ROCK2: variants seen among roughly 807,000 people sequenced by gnomAD.
The protein encoded by ROCK2 is Rho associated coiled-coil containing protein kinase 2, also known as rho-associated protein kinase 2.
Under a neutral mutation model 195.1 loss-of-function variants are expected in ROCK2, and 61 were observed. That is an observed-to-expected ratio of 0.31 (90% CI 0.25 to 0.39). The LOEUF (loss-of-function observed/expected upper bound fraction) is 0.39, where lower values mean the gene tolerates loss of function less well. ROCK2 is among the 10% of genes least tolerant of loss of function. The pLI, the probability that ROCK2 is intolerant of heterozygous loss-of-function variation, is 1.00. For missense variants in ROCK2, 1,109 were observed against 1,637.4 expected (o/e 0.68, Z 5.57); for synonymous variants, 504 against 545.5 (o/e 0.92, Z 1.06).
Position 11,198,568 on chromosome 2 carries a change from C to T in ROCK2, c.3022G>A (p.Asp1008Asn). 6.2e-7 allele frequency: 1 copy of T among 1,613,216 alleles called. No homozygotes were observed. The highest frequency in any genetic ancestry group is 1.1e-5 in the South Asian group (1 of 91,008). Residue 1008 changes from aspartate (D) to asparagine (N), a missense_variant, in exon 25 of 33, where the codon GAT becomes AAT. Asp to Asn is a conservative substitution (Grantham distance 23). Coordinates refer to ENST00000315872, the MANE Select transcript of ROCK2 (RefSeq NM_004850.5). ...ATAGCTGCTGCGCTTATTTCTTCAT[C>T]TTTCAATCTTGACAGTTCTGAAACA... ...DVQEQLSRLK[D>N]EEISAAAIKA... is the part of the protein sequence containing the mutation.
chr2:11,321,519 A>T (rs555829993), intron 1 of ROCK2, among the ~76,000 whole-genome samples: 1 of 151,778 alleles, frequency 6.6e-6, no homozygotes, highest in East Asian at 2.0e-4. Flanking sequence ...GAGAATGCCA[A>T]ATAAATTATT....
intron 1 of ROCK2, among the ~76,000 whole-genome samples, chr2:11,341,692 A>G (rs78568767): frequency 6.6e-6 from 1 of 152,222 alleles, no homozygotes; most frequent in African/African-American, 2.4e-5. Flanking sequence ...GTTAAAGACA[A>G]AATATGTATT....
At chr2:11,284,902 C>T (rs1209215465) in intron 3 of ROCK2, among the ~76,000 whole-genome samples, 7 of 152,136 alleles carry the variant, frequency 4.6e-5, no homozygotes, top group Non-Finnish European at 1.0e-4. Context: ...CCTCATTATA[C>T]TTCAGGTTTA....
chr2:11,330,057 T>C (rs1333959015), intron 1 of ROCK2, among the ~76,000 whole-genome samples: 1 of 152,208 alleles, frequency 6.6e-6, no homozygotes, highest in Admixed American at 6.5e-5. Context: ...AATTAGGAAT[T>C]CTCATCACCA....
At chr2:11,254,768 C>T (rs1367814916) in intron 3 of ROCK2, among the ~76,000 whole-genome samples, 2 of 116,262 alleles carry the variant, frequency 1.7e-5, no homozygotes, top group South Asian at 3.5e-4. Context: ...GTAGAGAAAC[C>T]TGGCTAATTT....
intron 32 of ROCK2, among the ~76,000 whole-genome samples, chr2:11,184,301 T>G (rs1663111335): frequency 6.6e-6 from 1 of 152,248 alleles, no homozygotes; most frequent in Admixed American, 6.5e-5. Context: ...AATCTCATGC[T>G]ATGTTCACAA....
chr2:11,276,888 A>AC (rs1245367730), intron 3 of ROCK2, among the ~76,000 whole-genome samples: 1 of 151,906 alleles, frequency 6.6e-6, no homozygotes, highest in East Asian at 1.9e-4. Context: ...GGTATTTTAC[A>AC]CCCCCCGTGA....
intron 10 of ROCK2, 133 bp from the exon 11 acceptor site, chr2:11,218,599 G>A (rs148796265): frequency 5.0e-6 from 3 of 604,140 alleles, no homozygotes; most frequent in South Asian, 2.6e-5. Context: ...AAGAAAAAAT[G>A]TTTAGCATCA....
chr2:11,260,557 G>A (rs544639893), intron 3 of ROCK2, among the ~76,000 whole-genome samples: 18 of 150,822 alleles, frequency 1.2e-4, no homozygotes, highest in African/African-American at 4.4e-4. Context: ...AATTTTGAAT[G>A]CTTCCTAACT....
At chr2:11,213,708 C>A (rs1279027126) in intron 17 of ROCK2, among the ~76,000 whole-genome samples, 1 of 151,864 alleles carries the variant, frequency 6.6e-6, no homozygotes, top group Non-Finnish European at 1.5e-5. Flanking sequence ...TGTGCCTTTG[C>A]CCTACGGACC....
intron 3 of ROCK2, among the ~76,000 whole-genome samples, chr2:11,261,742 A>T (rs1205802804): frequency 6.6e-6 from 1 of 152,156 alleles, no homozygotes; most frequent in African/African-American, 2.4e-5. Context: ...GCTTCAACCC[A>T]GGAACCCAGG....
chr2:11,197,160 T>G lies in ROCK2; in HGVS notation c.3448+20A>C. ...GATTTATATTTAAGATAAATATTAG[T>G]GCTGAAAACAAATCCATACCTGGAA... is the stretch of plus-strand genomic sequence containing the variant. On this transcript the variant is annotated intron_variant, in intron 27 of 32. Transcript: ENST00000315872. The surrounding 1 kb of genome is among the most constrained non-coding windows in gnomAD (Gnocchi z 4.9). 6.4e-7 allele frequency: 1 copy of G among 1,559,096 alleles called. No individual in the cohort carries two copies. Among genetic ancestry groups the G allele is most frequent in the Non-Finnish European group, 8.7e-7 (1 of 1,150,274 alleles).
At chr2:11,244,489 G>A (rs1382854705) in intron 4 of ROCK2, among the ~76,000 whole-genome samples, 1 of 152,136 alleles carries the variant, frequency 6.6e-6, no homozygotes, top group Non-Finnish European at 1.5e-5. Flanking sequence ...TAGGCTGGGT[G>A]CAGTGGCTCA....
intron 3 of ROCK2, among the ~76,000 whole-genome samples, chr2:11,286,129 T>C (rs975166005): frequency 4.7e-5 from 7 of 149,994 alleles, no homozygotes; most frequent in African/African-American, 1.7e-4. Context: ...TTCTTATAAT[T>C]CCAATTGGTA....
chr2:11,243,461 TG>T (rs1184160052), intron 4 of ROCK2, among the ~76,000 whole-genome samples: 1 of 152,168 alleles, frequency 6.6e-6, no homozygotes, highest in East Asian at 1.9e-4. Context: ...GTGATAAATA[TG>T]GTAAATCAAA....
At chr2:11,200,872 AT>A (rs1319414377) in intron 23 of ROCK2, 84 bp downstream of exon 23, 2 of 1,171,088 alleles carry the variant, frequency 1.7e-6, no homozygotes, top group African/African-American at 3.1e-5. Context: ...TTTCATTTAG[AT>A]CTGTGATACT....
intron 1 of ROCK2, among the ~76,000 whole-genome samples, chr2:11,290,076 T>C (rs1667313586): frequency 6.6e-6 from 1 of 152,174 alleles, no homozygotes; most frequent in Non-Finnish European, 1.5e-5. Flanking sequence ...ATTTTTACAA[T>C]CAAAATTTAT....
At chr2:11,232,987 G>A (rs1665072960) in intron 5 of ROCK2, among the ~76,000 whole-genome samples, 2 of 152,186 alleles carry the variant, frequency 1.3e-5, no homozygotes, top group African/African-American at 4.8e-5. Context: ...GCTGAGGCAG[G>A]AGGATCACTT....
chr2:11,329,638 A>T (rs2167125), intron 1 of ROCK2, among the ~76,000 whole-genome samples: 146,897 of 151,850 alleles, frequency 0.97, 71,082 homozygotes, highest in East Asian at 1. Context: ...ATGTCTTAAA[A>T]ATGGAAAACA....
Sources: allele counts gnomAD v4.1 joint callset (sites outside exome capture counted in the v4.1 genomes callset), GRCh38; gene constraint gnomAD v4.1.1; non-coding constraint Gnocchi (gnomAD v3.1); transcripts MANE v1.5; gene names NCBI Gene and HGNC (gene_info 2026-07-23, HGNC 2026-07-21).